The following SEPTIN9 variants were observed in gnomAD, a reference collection of about 807,000 sequenced individuals.
SEPTIN9 encodes the protein septin-9.
A neutral mutation model predicts 56.6 loss-of-function variants in SEPTIN9; 13 were observed. The ratio of observed to expected loss-of-function variants is 0.23; its 90% confidence interval spans 0.15 to 0.37. The LOEUF is 0.37. SEPTIN9 is among the 10% of genes least tolerant of loss of function. The pLI is 1.00. For synonymous variants in SEPTIN9, 332 were observed against 334.1 expected, an observed-to-expected ratio of 0.99 and a Z score of 0.07; for missense variants, 650 against 823.1, an observed-to-expected ratio of 0.79 and a Z score of 2.57.
At chr17:77,460,913 C>G (rs926078627) in intron 3 of SEPTIN9, among the ~76,000 whole-genome samples, 1 of 152,238 alleles carries the variant, frequency 6.6e-6, no homozygotes, top group Non-Finnish European at 1.5e-5. Flanking sequence ...CCATCCCCCA[C>G]TCCTTTTAAG....
intron 2 of SEPTIN9, among the ~76,000 whole-genome samples, chr17:77,352,101 A>T (rs2143808878): frequency 6.6e-6 from 1 of 152,346 alleles, no homozygotes; most frequent in South Asian, 2.1e-4. Flanking sequence ...GAGGTGACTC[A>T]AAACATCCGA....
At chr17:77,387,036 C>G (rs374400718) in intron 2 of SEPTIN9, among the ~76,000 whole-genome samples, 23 of 152,202 alleles carry the variant, frequency 1.5e-4, no homozygotes, top group African/African-American at 5.1e-4. Context: ...TGGTTAGCCC[C>G]AGATAGCTGG....
intron 2 of SEPTIN9, among the ~76,000 whole-genome samples, chr17:77,311,225 C>T (rs1238475386): frequency 6.7e-6 from 1 of 148,612 alleles, no homozygotes; most frequent in East Asian, 2.0e-4. Context: ...GAAGGACCCC[C>T]CCCCCACCCC....
chr17:77,373,715 G>T, intron 2 of SEPTIN9: 1 of 1,322,396 alleles, frequency 7.6e-7, no homozygotes, highest in Admixed American at 3.5e-5. Context: ...GCGCGCCCCC[G>T]GCCCCGTGCC....
In SEPTIN9 at chr17:77,433,395, A is replaced by ACC. The variant is rs112639124; in HGVS notation, c.721+30699_721+30700dup. Among the ~76,000 whole-genome samples, 587 of 148,872 alleles carry ACC rather than the reference A, an allele frequency of 3.9e-3. 11 individuals are homozygous for ACC. In the South Asian group the frequency reaches 0.059, roughly 15 times the overall value. ...GGTCAGGGTGGGGCTGGGTGCGAGG[A>ACC]CCCCCCCCGGCCAACAGGGTCTGCT... On this transcript the variant is annotated intron_variant, in intron 3 of 11. Coordinates refer to ENST00000427177, the MANE Select transcript of SEPTIN9 (RefSeq NM_001113491.2). This position sits in a 1 kb window ranked among gnomAD's most constrained non-coding sequence, Gnocchi z 6.4.
chr17:77,289,827 C>T (rs576139144), intron 1 of SEPTIN9, among the ~76,000 whole-genome samples: 256 of 152,330 alleles, frequency 1.7e-3, no homozygotes, highest in Middle Eastern at 6.8e-3. Context: ...TGCCAAACAA[C>T]ATGAACAGGA....
intron 10 of SEPTIN9, among the ~76,000 whole-genome samples, chr17:77,494,801 G>T (rs571177017): frequency 6.6e-6 from 1 of 152,354 alleles, no homozygotes; most frequent in South Asian, 2.1e-4. Context: ...CGAGATGGGA[G>T]TTCATGCCTG....
At chr17:77,314,191 T>TG (rs2032611945) in intron 2 of SEPTIN9, among the ~76,000 whole-genome samples, 1 of 151,564 alleles carries the variant, frequency 6.6e-6, no homozygotes, top group Non-Finnish European at 1.5e-5. Flanking sequence ...TTTTTTTTTT[T>TG]TTTGAGGTGG....
chr17:77,383,036 C>T (rs906396782), intron 2 of SEPTIN9, among the ~76,000 whole-genome samples: 4 of 152,234 alleles, frequency 2.6e-5, no homozygotes, highest in South Asian at 4.1e-4. Flanking sequence ...GCTGGGAGGA[C>T]CTCACTCAAA....
rs370303513 is a variant in SEPTIN9 at position 77,433,279 on chromosome 17, AG to A, written c.721+30579del. 2.4e-3 allele frequency among the ~76,000 whole-genome samples: 359 copies of A among 152,180 alleles called. 11 individuals are homozygous for A. The South Asian group carries it at 0.058, about 25-fold the overall frequency. On this transcript the variant is annotated intron_variant, in intron 3 of 11. Transcript: ENST00000427177. The surrounding 1 kb of genome is among the most constrained non-coding windows in gnomAD (Gnocchi z 6.4). ...GGAGAGCCTCCCTTCCTGTGAGCCTAGGGAGCCCCTCCATGCAGCCCCTTCA... is the reference window on the plus strand; with the variant it reads ...GGAGAGCCTCCCTTCCTGTGAGCCTAGGAGCCCCTCCATGCAGCCCCTTCA...
chr17:77,359,536 T>A (rs1428492569), intron 2 of SEPTIN9, among the ~76,000 whole-genome samples: 4 of 152,172 alleles, frequency 2.6e-5, no homozygotes, highest in East Asian at 1.9e-4. Flanking sequence ...CTAACATCTA[T>A]AATCCCAGCA....
intron 3 of SEPTIN9, among the ~76,000 whole-genome samples, chr17:77,479,909 G>A (rs1052616277): frequency 1.4e-4 from 22 of 152,282 alleles, no homozygotes; most frequent in African/African-American, 4.8e-4. Flanking sequence ...AAGGCCCCAT[G>A]TCTGGCTTCA....
chr17:77,365,149 C>T (rs1176803483), intron 2 of SEPTIN9, among the ~76,000 whole-genome samples: 1 of 152,148 alleles, frequency 6.6e-6, no homozygotes, highest in African/African-American at 2.4e-5. Context: ...CCAGAAAGAG[C>T]CGCCACCCAC....
At chr17:77,495,895 G>C (rs953734139) in intron 10 of SEPTIN9, among the ~76,000 whole-genome samples, 1 of 152,236 alleles carries the variant, frequency 6.6e-6, no homozygotes, top group Non-Finnish European at 1.5e-5. Context: ...AAAGCCATGT[G>C]GCTCTGCGAT....
At chr17:77,417,342 T>G (rs575128544) in intron 3 of SEPTIN9, among the ~76,000 whole-genome samples, 4 of 152,184 alleles carry the variant, frequency 2.6e-5, no homozygotes, top group African/African-American at 9.6e-5. Context: ...ACGAGGTAAT[T>G]AGAAAGAGGA....
chr17:77,484,547 G>T (rs921077329), intron 4 of SEPTIN9, among the ~76,000 whole-genome samples: 5 of 146,214 alleles, frequency 3.4e-5, no homozygotes, highest in African/African-American at 5.2e-5. Flanking sequence ...GGTGGTGATG[G>T]TGGTGATGAT....
chr17:77,331,302 A>C (rs1461228709), intron 2 of SEPTIN9, among the ~76,000 whole-genome samples: 2 of 152,218 alleles, frequency 1.3e-5, no homozygotes, highest in Non-Finnish European at 2.9e-5. Flanking sequence ...TCACTGCGTC[A>C]GAGGGAGAGA....
At chr17:77,351,618 G>C (rs2034068130) in intron 2 of SEPTIN9, among the ~76,000 whole-genome samples, 1 of 152,232 alleles carries the variant, frequency 6.6e-6, no homozygotes, top group South Asian at 2.1e-4. Context: ...AGGGCCCTTG[G>C]AGGCCCTGCC....
chr17:77,289,502 G>A lies in SEPTIN9; in HGVS notation c.19+7948G>A, dbSNP rs191779086. On this transcript the variant is annotated intron_variant, in intron 1 of 11. Transcript: ENST00000427177. ...CAGCTCACTGCAACCTCCACCTCCC[G>A]GGTTCAAGCGATTCTCTTGCCTCAG... Among the ~76,000 whole-genome samples, 971 of 145,834 alleles carry A rather than the reference G, an allele frequency of 6.7e-3. 13 individuals are homozygous for A. Among genetic ancestry groups the A allele is most frequent in the African/African-American group, 0.024 (917 of 38,706 alleles).
Sources: allele counts gnomAD v4.1 joint callset (sites outside exome capture counted in the v4.1 genomes callset), GRCh38; gene constraint gnomAD v4.1.1; non-coding constraint Gnocchi (gnomAD v3.1); transcripts MANE v1.5; gene names NCBI Gene and HGNC (gene_info 2026-07-23, HGNC 2026-07-21).